Variants in SENP7 observed in about 807,000 individuals in gnomAD.
SENP7 encodes the protein SUMO specific peptidase 7, also known as sentrin-specific protease 7.
A neutral mutation model predicts 141.2 loss-of-function variants in SENP7; 64 were observed. That is an observed-to-expected ratio of 0.45 (90% CI 0.37 to 0.56). The LOEUF is 0.56. Among genes scored for constraint, SENP7 ranks in the 20% least tolerant of loss-of-function variants. SENP7 has a pLI of 0.00. For missense variants in SENP7, 1,025 were observed against 1,212.2 expected (o/e 0.85, Z 2.29); for synonymous variants, 382 against 426.4 (o/e 0.90, Z 1.28).
At chr3:101,384,300 T>C (rs1576174063) in intron 6 of SENP7, among the ~76,000 whole-genome samples, 1 of 152,226 alleles carries the variant, frequency 6.6e-6, no homozygotes. Flanking sequence ...AGAGCTATAA[T>C]ACAAACAGGG....
chr3:101,478,475 T>A (rs563369378), intron 3 of SENP7, among the ~76,000 whole-genome samples: 32 of 152,068 alleles, frequency 2.1e-4, no homozygotes, highest in Non-Finnish European at 4.3e-4. Context: ...ACAAGGAGAA[T>A]GATCATGCCA....
At chr3:101,511,909 T>A (rs2065876001) in intron 1 of SENP7, among the ~76,000 whole-genome samples, 1 of 152,170 alleles carries the variant, frequency 6.6e-6, no homozygotes, top group Non-Finnish European at 1.5e-5. Flanking sequence ...AAGCTCCGCC[T>A]CCCGGGTTCA....
At chr3:101,469,564 C>G (rs1309367945) in intron 3 of SENP7, among the ~76,000 whole-genome samples, 1 of 119,626 alleles carries the variant, frequency 8.4e-6, no homozygotes, top group Non-Finnish European at 1.8e-5. Context: ...ATGGCTCACG[C>G]CTGTAATCCC....
chr3:101,424,525 C>T (rs1475547359), intron 4 of SENP7, among the ~76,000 whole-genome samples: 3 of 152,028 alleles, frequency 2.0e-5, no homozygotes, highest in Non-Finnish European at 2.9e-5. Context: ...CTCACCCTTG[C>T]ACCAACACTG....
chr3:101,377,979 A>T (rs1368559297), intron 6 of SENP7, among the ~76,000 whole-genome samples: 1 of 152,198 alleles, frequency 6.6e-6, no homozygotes, highest in Non-Finnish European at 1.5e-5. Context: ...GCAGTAGGAT[A>T]TAAATAACTT....
rs1227508999 is a variant in SENP7, at chr3:101,387,998, G to A, written c.677+10863C>T. Among the ~76,000 whole-genome samples the A allele has an allele frequency of 2.0e-5, 3 of 152,182 alleles. No homozygotes were observed. The South Asian group carries it at 6.2e-4, about 32-fold the overall frequency. On this transcript the variant is annotated intron_variant, in intron 6 of 23. Coordinates refer to ENST00000394095, the MANE Select transcript of SENP7 (RefSeq NM_020654.5). ...ACCCAGCCTGCTGGCAGTTCCTGCA[G>A]ATGCCTCCTGGAAGTTCGGGGACTG... is the stretch of plus-strand genomic sequence containing the variant.
At chr3:101,424,704 C>G (rs984213110) in intron 4 of SENP7, among the ~76,000 whole-genome samples, 4 of 152,174 alleles carry the variant, frequency 2.6e-5, no homozygotes, top group African/African-American at 9.7e-5. Context: ...CCAGCAGGGA[C>G]TCCTGCTCCC....
chr3:101,449,903 T>C (rs2063056257), intron 4 of SENP7, among the ~76,000 whole-genome samples: 2 of 152,096 alleles, frequency 1.3e-5, no homozygotes, highest in African/African-American at 2.4e-5. Flanking sequence ...AATGCTCCAA[T>C]TAAAATACAC....
chr3:101,498,468 T>C (rs950571080), intron 2 of SENP7, among the ~76,000 whole-genome samples: 1 of 152,112 alleles, frequency 6.6e-6, no homozygotes, highest in Admixed American at 6.6e-5. Context: ...TAATCTAATC[T>C]TGAGAAACCT....
At chr3:101,367,778 T>G in intron 8 of SENP7, 52 bp downstream of exon 8, 2 of 1,214,182 alleles carry the variant, frequency 1.6e-6, no homozygotes, top group Non-Finnish European at 1.1e-6. Context: ...GTCAACTCGT[T>G]TTTATCATAG....
intron 6 of SENP7, among the ~76,000 whole-genome samples, chr3:101,383,179 A>T (rs986687286): frequency 1.3e-5 from 2 of 152,168 alleles, no homozygotes; most frequent in African/African-American, 4.8e-5. Flanking sequence ...CTTCATGATA[A>T]GTGAGTGAGT....
At chr3:101,500,122 A>G (rs573336181) in intron 2 of SENP7, among the ~76,000 whole-genome samples, 1 of 152,182 alleles carries the variant, frequency 6.6e-6, no homozygotes, top group Non-Finnish European at 1.5e-5. Flanking sequence ...GTTAAATGCT[A>G]TAACTATATA....
At chr3:101,457,387 G>C in intron 4 of SENP7, 1 of 1,469,128 alleles carries the variant, frequency 6.8e-7, no homozygotes, top group Non-Finnish European at 9.5e-7. Flanking sequence ...AAACTGTTCA[G>C]ACTGTCTACA....
intron 17 of SENP7, 124 bp downstream of exon 17, chr3:101,337,385 C>T (rs1223752284): frequency 2.0e-5 from 12 of 590,756 alleles, no homozygotes; most frequent in Non-Finnish European, 3.3e-5. Flanking sequence ...CAAACAGACC[C>T]AGGACCTGAA....
chr3:101,441,559 CTGCCAATGCCCAAGTACAT>C (rs1352353934), intron 4 of SENP7, among the ~76,000 whole-genome samples: 2 of 151,906 alleles, frequency 1.3e-5, no homozygotes, highest in Non-Finnish European at 2.9e-5. Flanking sequence ...CCCAAGTACA[CTGCCAATGCCCAAGTACAT>C]TGCCAATGCC....
intron 1 of SENP7, among the ~76,000 whole-genome samples, chr3:101,511,363 A>G (rs1225084937): frequency 1.3e-5 from 2 of 152,172 alleles, no homozygotes; most frequent in Non-Finnish European, 2.9e-5. Context: ...AATGTATTAA[A>G]CCTAGATGAA....
chr3:101,429,477 T>A (rs2062080851), intron 4 of SENP7, among the ~76,000 whole-genome samples: 1 of 152,224 alleles, frequency 6.6e-6, no homozygotes, highest in Admixed American at 6.5e-5. Context: ...AATTCACTCA[T>A]GATTTGGCTG....
At chr3:101,365,019 T>C in intron 9 of SENP7, 28 bp from the exon 10 acceptor site, 1 of 1,368,126 alleles carries the variant, frequency 7.3e-7, no homozygotes, top group South Asian at 1.7e-5. Context: ...AATGTATTTT[T>C]GTTTATTTAT....
chr3:101,368,349 G>T (rs770452255), intron 7 of SENP7, among the ~76,000 whole-genome samples: 1 of 151,488 alleles, frequency 6.6e-6, no homozygotes, highest in African/African-American at 2.4e-5. Context: ...AAAAAAAAGG[G>T]GATTAAGAAA....
Sources: gnomAD v4.1 joint callset for allele counts (sites outside exome capture counted in the v4.1 genomes callset) on GRCh38, gnomAD v4.1.1 for gene constraint, MANE v1.5 for transcripts, NCBI Gene and HGNC (gene_info 2026-07-23, HGNC 2026-07-21) for gene names.